ANO5: variants seen among roughly 807,000 people sequenced by gnomAD.
ANO5 encodes the protein anoctamin-5.
Under a neutral mutation model 121.0 loss-of-function variants are expected in ANO5, and 109 were observed. That is an observed-to-expected ratio of 0.90 (90% CI 0.77 to 1.06). The LOEUF (loss-of-function observed/expected upper bound fraction) is 1.06. ANO5 is among the 50% of genes least tolerant of loss of function. ANO5 has a pLI of 0.00. For synonymous variants in ANO5, 406 were observed against 359.9 expected, an observed-to-expected ratio of 1.13 and a Z score of -1.45; for missense variants, 1,064 against 1,078.5, an observed-to-expected ratio of 0.99 and a Z score of 0.19.
chr11:22,241,006 G>C (rs923403298), intron 9 of ANO5, among the ~76,000 whole-genome samples: 1 of 151,466 alleles, frequency 6.6e-6, no homozygotes, highest in Non-Finnish European at 1.5e-5. Context: ...AAAACATTAG[G>C]CTGTCCCAAT....
intron 21 of ANO5, among the ~76,000 whole-genome samples, chr11:22,276,611 G>C (rs1336055554): frequency 6.6e-6 from 1 of 151,672 alleles, no homozygotes; most frequent in East Asian, 1.9e-4. Context: ...CTGGCTTAAC[G>C]TTAACTAACT....
Position 22,193,349 on chromosome 11 carries a change from A to AAG in ANO5, c.-141_-140dup. The AAG allele has an allele frequency of 7.3e-7, 1 of 1,373,450 alleles. No homozygotes were observed. Among genetic ancestry groups the AAG allele is most frequent in the Non-Finnish European group, 9.4e-7 (1 of 1,068,592 alleles). The allele number at this position is 1,373,450 out of a possible 1,614,324, so 85.1% of individuals were successfully genotyped here. On this transcript the variant is annotated 5_prime_UTR_variant, in exon 1 of 22. Coordinates refer to ENST00000324559, the MANE Select transcript of ANO5 (RefSeq NM_213599.3). ...GGAGGAGAAGGAGGCCTGCAGAAGG[A>AAG]AGAGCAGGCCCTTAGAAGTCCAGCA...
At chr11:22,276,919 G>GTT (rs147267848) in intron 21 of ANO5, among the ~76,000 whole-genome samples, 3 of 150,048 alleles carry the variant, frequency 2.0e-5, no homozygotes, top group African/African-American at 7.3e-5. Context: ...ACCAGTTTCT[G>GTT]TTTTTTTTTA....
intron 15 of ANO5, among the ~76,000 whole-genome samples, chr11:22,261,912 T>A (rs1273904509): frequency 6.6e-6 from 1 of 152,174 alleles, no homozygotes; most frequent in African/African-American, 2.4e-5. Context: ...TAACAATAGC[T>A]TCCTAGGCTT....
At chr11:22,275,576 A>C (rs558477609) in intron 20 of ANO5, among the ~76,000 whole-genome samples, 1 of 152,038 alleles carries the variant, frequency 6.6e-6, no homozygotes, top group East Asian at 1.9e-4. Context: ...GAAGAGAATG[A>C]ACTCACAAAG....
chr11:22,248,552 A>G (rs2133697263), intron 9 of ANO5, among the ~76,000 whole-genome samples: 1 of 152,156 alleles, frequency 6.6e-6, no homozygotes, highest in African/African-American at 2.4e-5. Context: ...TTTCGTTGTT[A>G]ATCTGTTACT....
In ANO5 at chr11:22,272,969, G is replaced by C. The variant is rs779620286; in HGVS notation, c.2215G>C (p.Val739Leu). Residue 739 changes from valine to leucine, a missense_variant, in exon 19 of 22, where the codon GTC (valine) becomes CTC (leucine). By Grantham distance (32) the Val-to-Leu change is conservative. Coordinates refer to ENST00000324559, the MANE Select transcript of ANO5 (RefSeq NM_213599.3). ...GCAAGACATTCTTTATGGAATGGCT[G>C]TCCTTTCTGTTGCAACTAATGTAAG... ...VWQDILYGMA[V>L]LSVATNAFIV... 2.5e-6 allele frequency: 4 copies of C among 1,614,014 alleles called. No individual in the cohort carries two copies. Among genetic ancestry groups the C allele is most frequent in the Non-Finnish European group, 2.5e-6 (3 of 1,179,974 alleles).
chr11:22,221,782 C>T (rs1339174877), intron 5 of ANO5, among the ~76,000 whole-genome samples: 1 of 151,904 alleles, frequency 6.6e-6, no homozygotes, highest in Non-Finnish European at 1.5e-5. Flanking sequence ...AATAAATACT[C>T]AATATTTGAA....
intron 4 of ANO5, among the ~76,000 whole-genome samples, chr11:22,219,133 C>T (rs1487012636): frequency 2.6e-5 from 4 of 152,028 alleles, no homozygotes; most frequent in African/African-American, 4.8e-5. Flanking sequence ...AGACATGTCT[C>T]TCATGCTGAC....
chr11:22,271,153 A>C (rs1854597793), intron 18 of ANO5, among the ~76,000 whole-genome samples: 3 of 152,150 alleles, frequency 2.0e-5, no homozygotes, highest in Admixed American at 2.0e-4. Context: ...GCTGGGTTCA[A>C]GCGATTCTCC....
At chr11:22,222,196 G>A (rs539904650) in intron 5 of ANO5, among the ~76,000 whole-genome samples, 1 of 151,924 alleles carries the variant, frequency 6.6e-6, no homozygotes, top group Non-Finnish European at 1.5e-5. Flanking sequence ...AAATTCCTGA[G>A]ATTTAAATCT....
intron 1 of ANO5, among the ~76,000 whole-genome samples, chr11:22,194,213 A>G (rs548324357): frequency 6.6e-6 from 1 of 152,272 alleles, no homozygotes; most frequent in Admixed American, 6.5e-5. Context: ...TATTCCGTGG[A>G]CCTATTTTAA....
At chr11:22,231,565 A>G (rs1853041930) in intron 7 of ANO5, among the ~76,000 whole-genome samples, 1 of 151,878 alleles carries the variant, frequency 6.6e-6, no homozygotes, top group African/African-American at 2.4e-5. Context: ...TTTATATTCT[A>G]TAGTATAGAT....
At chr11:22,267,183 C>T (rs1313515681) in intron 17 of ANO5, among the ~76,000 whole-genome samples, 1 of 151,900 alleles carries the variant, frequency 6.6e-6, no homozygotes, top group East Asian at 1.9e-4. Context: ...TATATGGAAA[C>T]ACACACACAT....
intron 20 of ANO5, 34 bp from the exon 21 acceptor site, chr11:22,276,060 A>T (rs757728390): frequency 3.7e-5 from 39 of 1,054,474 alleles, no homozygotes; most frequent in Admixed American, 1.1e-4. Flanking sequence ...AACTATTATT[A>T]TTTTTTTTTT....
chr11:22,245,450 A>G (rs193182061), intron 9 of ANO5, among the ~76,000 whole-genome samples: 5 of 152,114 alleles, frequency 3.3e-5, no homozygotes, highest in African/African-American at 9.6e-5. Flanking sequence ...TTTTTGTTTT[A>G]TATCTTTCCA....
At chr11:22,236,370 A>C (rs1447057344) in intron 8 of ANO5, 94 bp downstream of exon 8, 3 of 1,044,612 alleles carry the variant, frequency 2.9e-6, no homozygotes, top group South Asian at 1.3e-5. Flanking sequence ...TCAGTTGCTT[A>C]GTTTTCTCTC....
chr11:22,255,545 G>C lies in ANO5; in HGVS notation c.1332+23G>C, dbSNP rs142901632. On this transcript the variant is annotated intron_variant, in intron 13 of 21. Coordinates refer to ENST00000324559, the MANE Select transcript of ANO5 (RefSeq NM_213599.3). ...AAGGTAGACTAGAAAACTGTGAAAC[G>C]GACAGCATATCTCAATGGACACACT... The C allele has an allele frequency of 2.2e-4, 347 of 1,611,032 alleles. No individual in the cohort carries two copies. In the African/African-American group the frequency reaches 3.9e-3, roughly 18 times the overall value.
At chr11:22,211,192 G>T in intron 2 of ANO5, 72 bp from the exon 3 acceptor site, 1 of 1,515,300 alleles carries the variant, frequency 6.6e-7, no homozygotes. Flanking sequence ...AGTTGTTACT[G>T]AAACTTAAAA....
Sources: gnomAD v4.1 joint callset for allele counts (sites outside exome capture counted in the v4.1 genomes callset) on GRCh38, gnomAD v4.1.1 for gene constraint, MANE v1.5 for transcripts, NCBI Gene and HGNC (gene_info 2026-07-23, HGNC 2026-07-21) for gene names.